The following PDE4B variants were observed in gnomAD, a reference collection of about 807,000 sequenced individuals.
PDE4B encodes the protein 3',5'-cyclic-AMP phosphodiesterase 4B.
PDE4B carries 20 observed loss-of-function variants against 82.2 expected under a neutral mutation model. The ratio of observed to expected loss-of-function variants is 0.24; its 90% CI spans 0.17 to 0.35. The LOEUF (loss-of-function observed/expected upper bound fraction) is 0.35, where lower values mean the gene tolerates loss of function less well. Among genes scored for constraint, PDE4B ranks in the 10% least tolerant of loss-of-function variants. The pLI is 1.00. For missense variants in PDE4B, 655 were observed against 907.2 expected, an observed-to-expected ratio of 0.72 and a Z score of 3.57; for synonymous variants, 320 against 318.9, an observed-to-expected ratio of 1.00 and a Z score of -0.04.
intron 3 of PDE4B, among the ~76,000 whole-genome samples, chr1:65,924,077 A>ATTTTTTTTTTTTTCTTT (rs1647358825): frequency 2.5e-5 from 1 of 40,774 alleles, no homozygotes; most frequent in Non-Finnish European, 5.2e-5. Context: ...CAGTTTGCTA[A>ATTTTTTTTTTTTTCTTT]TTTTTTTTTT....
At chr1:66,351,949 T>C (rs927680148) in intron 8 of PDE4B, among the ~76,000 whole-genome samples, 7 of 152,152 alleles carry the variant, frequency 4.6e-5, no homozygotes, top group African/African-American at 7.2e-5. Context: ...ACTCTACATA[T>C]ACTAGAATGT....
intron 7 of PDE4B, among the ~76,000 whole-genome samples, chr1:66,270,044 TG>T (rs1429358945): frequency 6.6e-6 from 1 of 152,158 alleles, no homozygotes; most frequent in African/African-American, 2.4e-5. Flanking sequence ...CAGAAGTCTA[TG>T]GGTCACTGGA....
intron 3 of PDE4B, among the ~76,000 whole-genome samples, chr1:66,075,520 T>C (rs1656380517): frequency 6.6e-6 from 1 of 152,120 alleles, no homozygotes; most frequent in Non-Finnish European, 1.5e-5. Flanking sequence ...TTTTGAGAGA[T>C]TTAGCAATAT....
chr1:66,206,584 G>A (rs1248492522), intron 3 of PDE4B, among the ~76,000 whole-genome samples: 2 of 152,148 alleles, frequency 1.3e-5, no homozygotes, highest in African/African-American at 4.8e-5. Flanking sequence ...TGTAAAACGT[G>A]GATCACATAC....
At chr1:66,270,898 C>T (rs567518922) in intron 7 of PDE4B, among the ~76,000 whole-genome samples, 17 of 152,306 alleles carry the variant, frequency 1.1e-4, no homozygotes, top group Non-Finnish European at 2.1e-4. Flanking sequence ...GAATAATTGC[C>T]TTAATTACTC....
intron 3 of PDE4B, among the ~76,000 whole-genome samples, chr1:66,010,257 ATAAC>A (rs1652409047): frequency 6.6e-6 from 1 of 151,944 alleles, no homozygotes; most frequent in Non-Finnish European, 1.5e-5. Context: ...AATAGTAAAA[ATAAC>A]TATTGCCTTT....
At chr1:65,953,972 C>G (rs1649132068) in intron 3 of PDE4B, among the ~76,000 whole-genome samples, 1 of 152,080 alleles carries the variant, frequency 6.6e-6, no homozygotes, top group African/African-American at 2.4e-5. Context: ...GATCTTGGCT[C>G]ACTGCAATCT....
At chr1:66,341,030 T>A (rs1660943223) in intron 8 of PDE4B, among the ~76,000 whole-genome samples, 1 of 152,218 alleles carries the variant, frequency 6.6e-6, no homozygotes. Flanking sequence ...TTTACATGAT[T>A]ACATTAGACA....
intron 3 of PDE4B, among the ~76,000 whole-genome samples, chr1:66,198,765 C>T (rs1455833547): frequency 6.6e-6 from 1 of 152,006 alleles, no homozygotes; most frequent in Non-Finnish European, 1.5e-5. Context: ...CCCCCTTCCC[C>T]CCACCCCACA....
intron 3 of PDE4B, among the ~76,000 whole-genome samples, chr1:66,181,763 A>C (rs1217436427): frequency 6.6e-6 from 1 of 152,154 alleles, no homozygotes; most frequent in South Asian, 2.1e-4. Flanking sequence ...ATGAGATTGC[A>C]GTCAGTTCCC....
intron 1 of PDE4B, among the ~76,000 whole-genome samples, chr1:65,880,203 C>T (rs1646693871): frequency 6.6e-6 from 1 of 152,206 alleles, no homozygotes; most frequent in African/African-American, 2.4e-5. Flanking sequence ...TCCAGTGATG[C>T]TGGGTACTCT....
In PDE4B at chr1:66,079,596, A is replaced by G. The variant is rs1324891116; in HGVS notation, c.281+160761A>G. Among the ~76,000 whole-genome samples the G allele has an allele frequency of 7.2e-5, 11 of 152,280 alleles. No individual in the cohort carries two copies. The South Asian group carries it at 2.1e-3, about 29-fold the overall frequency. On this transcript the variant is annotated intron_variant, in intron 3 of 16. Coordinates refer to ENST00000341517, the MANE Select transcript of PDE4B (RefSeq NM_002600.4). ...ATTCACCACAAACTGATTAGAGAAT[A>G]GAAAGAGTTATTTAGAGAAAAGATT...
At chr1:66,030,037 G>GTTTTT (rs5774786) in intron 3 of PDE4B, among the ~76,000 whole-genome samples, 2 of 144,362 alleles carry the variant, frequency 1.4e-5, no homozygotes, top group Non-Finnish European at 3.0e-5. Flanking sequence ...TCTGTTGAGG[G>GTTTTT]TTTTTTTTTT....
chr1:66,186,522 T>C (rs1391204161), intron 3 of PDE4B, among the ~76,000 whole-genome samples: 3 of 152,336 alleles, frequency 2.0e-5, no homozygotes, highest in African/African-American at 4.8e-5. Flanking sequence ...GAGCAGTGGT[T>C]TGTAGTTCTC....
chr1:66,158,537 G>A (rs1405237531), intron 3 of PDE4B, among the ~76,000 whole-genome samples: 1 of 152,112 alleles, frequency 6.6e-6, no homozygotes, highest in African/African-American at 2.4e-5. Context: ...ATAGTAAAGA[G>A]TTTCCTCAAA....
At chr1:66,289,820 C>T (rs1490411859) in intron 7 of PDE4B, among the ~76,000 whole-genome samples, 3 of 151,920 alleles carry the variant, frequency 2.0e-5, no homozygotes, top group Non-Finnish European at 4.4e-5. Flanking sequence ...AGAGGTGATG[C>T]TTGCCTAATC....
chr1:66,046,440 A>G (rs898938482), intron 3 of PDE4B, among the ~76,000 whole-genome samples: 4 of 151,826 alleles, frequency 2.6e-5, no homozygotes, highest in Admixed American at 1.3e-4. Context: ...CTTCAGTTCA[A>G]CTTTCCTTTA....
intron 7 of PDE4B, among the ~76,000 whole-genome samples, chr1:66,322,641 A>G (rs962652829): frequency 6.6e-5 from 10 of 152,238 alleles, no homozygotes; most frequent in African/African-American, 2.4e-4. Flanking sequence ...AATGGTGATC[A>G]TTAAAAATCA....
At position 65,983,090 on chromosome 1, in the gene PDE4B, G is replaced by A. The variant is rs1050098430; in HGVS notation, c.281+64255G>A. Among the ~76,000 whole-genome samples the A allele has an allele frequency of 2.6e-5, 4 of 152,308 alleles. No individual in the cohort carries two copies. The South Asian group carries it at 6.2e-4, about 24-fold the overall frequency. ...GCCTCAACATCTAATGGAATTTTTCGTGCTAGGTTTTGGACTTATGATCTC... is the reference window on the plus strand; with the variant it reads ...GCCTCAACATCTAATGGAATTTTTCATGCTAGGTTTTGGACTTATGATCTC... On this transcript the variant is annotated intron_variant, in intron 3 of 16. Transcript: ENST00000341517.
Sources: allele counts gnomAD v4.1 joint callset (sites outside exome capture counted in the v4.1 genomes callset), GRCh38; gene constraint gnomAD v4.1.1; transcripts MANE v1.5; gene names NCBI Gene and HGNC (gene_info 2026-07-23, HGNC 2026-07-21).